The following WWOX variants were observed in gnomAD, a reference collection of about 807,000 sequenced individuals.
WWOX encodes the protein WW domain-containing oxidoreductase.
WWOX carries 69 observed loss-of-function variants against 46.2 expected under a neutral mutation model. That is an observed-to-expected ratio of 1.49 (90% CI 1.23 to 1.82). The LOEUF is 1.82. Ranked by LOEUF, WWOX falls within the 40% of genes most tolerant of loss-of-function variation. The pLI, the probability that WWOX is intolerant of heterozygous loss-of-function variation, is 0.00. For synonymous variants in WWOX, 359 were observed against 202.6 expected, an observed-to-expected ratio of 1.77 and a Z score of -6.56; for missense variants, 919 against 542.6, an observed-to-expected ratio of 1.69 and a Z score of -6.89.
intron 8 of WWOX, among the ~76,000 whole-genome samples, chr16:78,785,323 C>T (rs1042397452): frequency 6.6e-6 from 1 of 152,160 alleles, no homozygotes; most frequent in Non-Finnish European, 1.5e-5. Flanking sequence ...TTTGAGCACC[C>T]TGCTCTGAAT....
intron 8 of WWOX, among the ~76,000 whole-genome samples, chr16:79,147,691 A>T (rs1328840546): frequency 6.6e-6 from 1 of 152,144 alleles, no homozygotes; most frequent in Non-Finnish European, 1.5e-5. Context: ...ATGCTATTTT[A>T]CATTTCCACC....
At chr16:79,023,707 G>T (rs1388831453) in intron 8 of WWOX, among the ~76,000 whole-genome samples, 1 of 151,630 alleles carries the variant, frequency 6.6e-6, no homozygotes, top group Admixed American at 6.6e-5. Flanking sequence ...ATCACCTGAG[G>T]TCTCAGAAGT....
chr16:79,205,749 TG>T (rs777610876), intron 8 of WWOX: 2 of 152,176 alleles, frequency 1.3e-5, no homozygotes, highest in Non-Finnish European at 2.9e-5. Flanking sequence ...AAGGCCTTTG[TG>T]GGAGTCAGTT....
intron 8 of WWOX, among the ~76,000 whole-genome samples, chr16:79,199,656 C>A (rs1432333317): frequency 6.6e-6 from 1 of 152,120 alleles, no homozygotes; most frequent in Non-Finnish European, 1.5e-5. Context: ...AGAAGGTATC[C>A]TGGCCCCTGT....
At chr16:78,901,116 C>T (rs1041224181) in intron 8 of WWOX, among the ~76,000 whole-genome samples, 1 of 152,198 alleles carries the variant, frequency 6.6e-6, no homozygotes, top group Non-Finnish European at 1.5e-5. Flanking sequence ...TACCTTTCTC[C>T]TTCAAGCTGG....
intron 8 of WWOX, among the ~76,000 whole-genome samples, chr16:78,672,295 G>C (rs1226901819): frequency 6.6e-6 from 1 of 152,198 alleles, no homozygotes; most frequent in African/African-American, 2.4e-5. Flanking sequence ...AATGCAAGCA[G>C]GGGCATTCAT....
intron 8 of WWOX, among the ~76,000 whole-genome samples, chr16:79,097,137 G>C (rs577747359): frequency 6.6e-6 from 1 of 152,138 alleles, no homozygotes; most frequent in African/African-American, 2.4e-5. Flanking sequence ...TTATGGACAG[G>C]AATACATGTA....
intron 8 of WWOX, among the ~76,000 whole-genome samples, chr16:78,969,269 C>T (rs1418041352): frequency 2.8e-5 from 4 of 142,624 alleles, no homozygotes; most frequent in South Asian, 2.2e-4. Context: ...CTCTCTCTCT[C>T]TTTTTTTTTT....
At chr16:79,159,315 A>G (rs1028750404) in intron 8 of WWOX, among the ~76,000 whole-genome samples, 26 of 152,244 alleles carry the variant, frequency 1.7e-4, no homozygotes, top group African/African-American at 5.1e-4. Context: ...ATGAAATTAT[A>G]AAGCAGTGTT....
chr16:78,754,204 G>A (rs932210328), intron 8 of WWOX, among the ~76,000 whole-genome samples: 9 of 152,040 alleles, frequency 5.9e-5, no homozygotes, highest in South Asian at 2.1e-4. Flanking sequence ...GTCTTCACTC[G>A]GTGAGGATGG....
intron 8 of WWOX, among the ~76,000 whole-genome samples, chr16:78,675,681 A>G (rs2047580131): frequency 1.3e-5 from 2 of 152,180 alleles, no homozygotes; most frequent in African/African-American, 4.8e-5. Flanking sequence ...ATTTTTAAAA[A>G]CATGACTTTC....
chr16:78,538,516 CCCT>C (rs1228203027), intron 8 of WWOX, among the ~76,000 whole-genome samples: 2 of 152,102 alleles, frequency 1.3e-5, no homozygotes, highest in African/African-American at 4.8e-5. Flanking sequence ...CTGTAGCCTG[CCCT>C]CCTCTTTAAC....
chr16:79,053,025 A>T (rs2048198590), intron 8 of WWOX, among the ~76,000 whole-genome samples: 1 of 152,102 alleles, frequency 6.6e-6, no homozygotes, highest in South Asian at 2.1e-4. Context: ...AGGTGGGAAC[A>T]GGGTTACAGA....
At chr16:79,021,338 G>C (rs911854743) in intron 8 of WWOX, among the ~76,000 whole-genome samples, 1 of 152,088 alleles carries the variant, frequency 6.6e-6, no homozygotes, top group Non-Finnish European at 1.5e-5. Context: ...CAAGAAACTC[G>C]CTTTCTTTGG....
intron 8 of WWOX, among the ~76,000 whole-genome samples, chr16:78,579,861 C>T (rs1326900784): frequency 6.6e-6 from 1 of 152,106 alleles, no homozygotes; most frequent in African/African-American, 2.4e-5. Context: ...AATGAGGCTG[C>T]CTCGAAGACT....
intron 8 of WWOX, among the ~76,000 whole-genome samples, chr16:78,835,747 G>A (rs965630834): frequency 2.0e-5 from 3 of 152,066 alleles, no homozygotes; most frequent in African/African-American, 7.2e-5. Flanking sequence ...AGGGAGAAAC[G>A]AAAACAATAA....
chr16:78,298,966 T>C (rs1455073715), intron 5 of WWOX, among the ~76,000 whole-genome samples: 1 of 152,172 alleles, frequency 6.6e-6, no homozygotes, highest in Non-Finnish European at 1.5e-5. Context: ...CCTTTTCCTG[T>C]TCCTTGCCCT....
chr16:78,775,949 A>G (rs918048677), intron 8 of WWOX, among the ~76,000 whole-genome samples: 1 of 152,124 alleles, frequency 6.6e-6, no homozygotes, highest in African/African-American at 2.4e-5. Flanking sequence ...ACTACTCTAA[A>G]CGTAAGACCC....
At chr16:78,730,150 G>C (rs117922116) in intron 8 of WWOX, among the ~76,000 whole-genome samples, 1 of 152,120 alleles carries the variant, frequency 6.6e-6, no homozygotes, top group South Asian at 2.1e-4. Flanking sequence ...AACTACTTGG[G>C]CAAGAATATA....
Sources: gnomAD v4.1 joint callset for allele counts (sites outside exome capture counted in the v4.1 genomes callset) on GRCh38, gnomAD v4.1.1 for gene constraint, MANE v1.5 for transcripts, NCBI Gene and HGNC (gene_info 2026-07-23, HGNC 2026-07-21) for gene names.